B3GALT1: variants seen among roughly 807,000 people sequenced by gnomAD.
B3GALT1 encodes the protein beta-1,3-galactosyltransferase 1.
In B3GALT1, 10 loss-of-function variants were observed where a neutral mutation model predicts 23.2. The ratio of observed to expected loss-of-function variants is 0.43; its 90% confidence interval spans 0.27 to 0.73. The LOEUF is 0.73. Among genes scored for constraint, B3GALT1 ranks in the 30% least tolerant of loss-of-function variants. The pLI is 0.21. For missense variants in B3GALT1, 299 were observed against 405.4 expected (o/e 0.74, Z 2.25); for synonymous variants, 156 against 141.5 (o/e 1.10, Z -0.73).
intron 3 of B3GALT1, among the ~76,000 whole-genome samples, chr2:167,742,508 G>A (rs1687590644): frequency 6.6e-6 from 1 of 152,158 alleles, no homozygotes; most frequent in Admixed American, 6.5e-5. Flanking sequence ...AGTAAAGACA[G>A]TAAAAAAGCA....
intron 3 of B3GALT1, among the ~76,000 whole-genome samples, chr2:167,770,854 C>T (rs1688060504): frequency 6.6e-6 from 1 of 152,068 alleles, no homozygotes; most frequent in East Asian, 1.9e-4. Context: ...TTTAAATGCC[C>T]AATTAGATTT....
At chr2:167,646,813 G>A (rs1410153061) in intron 2 of B3GALT1, among the ~76,000 whole-genome samples, 96 bp from the exon 3 acceptor site, 1 of 152,122 alleles carries the variant, frequency 6.6e-6, no homozygotes, top group African/African-American at 2.4e-5. Context: ...TTTTGAAAGT[G>A]GGTGTCTATT....
intron 4 of B3GALT1, among the ~76,000 whole-genome samples, chr2:167,835,766 G>A (rs1222826954): frequency 1.3e-5 from 2 of 151,556 alleles, no homozygotes; most frequent in Non-Finnish European, 1.5e-5. Context: ...AGCCTAACTG[G>A]GAGGCACCCC....
chr2:167,533,624 C>T (rs1012725816), intron 2 of B3GALT1, among the ~76,000 whole-genome samples: 3 of 152,128 alleles, frequency 2.0e-5, no homozygotes, highest in African/African-American at 7.2e-5. Flanking sequence ...TATGACTGCT[C>T]TATCATTATA....
chr2:167,295,771 G>A (rs1438354948), intron 1 of B3GALT1, among the ~76,000 whole-genome samples: 2 of 74,960 alleles, frequency 2.7e-5, no homozygotes, highest in East Asian at 8.6e-4. Context: ...GTGTGTACGT[G>A]TGTGTGTGTG....
chr2:167,312,283 GAAATTGAAT>G (rs1696643434), intron 1 of B3GALT1, among the ~76,000 whole-genome samples: 1 of 151,930 alleles, frequency 6.6e-6, no homozygotes, highest in South Asian at 2.1e-4. Context: ...AAATAATACT[GAAATTGAAT>G]AAATTGAATG....
At chr2:167,729,801 G>C (rs544340671) in intron 3 of B3GALT1, among the ~76,000 whole-genome samples, 1 of 152,184 alleles carries the variant, frequency 6.6e-6, no homozygotes, top group Admixed American at 6.5e-5. Flanking sequence ...AAAGTCATGT[G>C]AAGAAGTGAA....
chr2:167,381,633 A>G (rs991047116), intron 1 of B3GALT1, among the ~76,000 whole-genome samples: 1 of 152,204 alleles, frequency 6.6e-6, no homozygotes, highest in African/African-American at 2.4e-5. Context: ...ATTATACTTC[A>G]GACTCTAGGT....
chr2:167,558,923 A>T (rs1375047658), intron 2 of B3GALT1, among the ~76,000 whole-genome samples: 8 of 152,214 alleles, frequency 5.3e-5, no homozygotes, highest in Non-Finnish European at 1.2e-4. Context: ...TGCAGACTTA[A>T]ATGTCCCTGT....
At chr2:167,690,791 T>A (rs1240104517) in intron 3 of B3GALT1, among the ~76,000 whole-genome samples, 1 of 152,166 alleles carries the variant, frequency 6.6e-6, no homozygotes, top group Non-Finnish European at 1.5e-5. Context: ...GTCTTTGATC[T>A]GAAGTAAGAA....
In B3GALT1 at chr2:167,424,511, T is replaced by C. The variant is rs148869838; in HGVS notation, c.-510-65666T>C. On this transcript the variant is annotated intron_variant, in intron 1 of 4. Coordinates refer to ENST00000392690, the MANE Select transcript of B3GALT1 (RefSeq NM_020981.4). ...ATGTAATCCAAGGAAGAGCTTTTTT[T>C]TCCCACCTTGAAACTTTCAGAAGTG... Among the ~76,000 whole-genome samples the C allele has an allele frequency of 1.6e-3, 244 of 152,292 alleles. 1 individual carries two copies. Among genetic ancestry groups the C allele is most frequent in the African/African-American group, 5.7e-3 (239 of 41,568 alleles).
chr2:167,338,393 T>C (rs1697093591), intron 1 of B3GALT1, among the ~76,000 whole-genome samples: 1 of 152,030 alleles, frequency 6.6e-6, no homozygotes, highest in Non-Finnish European at 1.5e-5. Context: ...ATACTAAAAG[T>C]ATATACAAAG....
chr2:167,499,692 C>A (rs1031849401), intron 2 of B3GALT1, among the ~76,000 whole-genome samples: 1 of 151,986 alleles, frequency 6.6e-6, no homozygotes, highest in African/African-American at 2.4e-5. Flanking sequence ...TTCCACCGTC[C>A]CCACCAAATC....
rs751705383 is a variant in B3GALT1 at position 167,869,089 on chromosome 2, C to A, written c.50C>A (p.Ala17Asp). The A allele has an allele frequency of 6.2e-7, 1 of 1,613,934 alleles. No individual in the cohort carries two copies. Among genetic ancestry groups the A allele is most frequent in the Non-Finnish European group, 8.5e-7 (1 of 1,179,924 alleles). ...TATGTTTTGACAGTTGTGTGCTGGG[C>A]CAGCGCTCTCTGGTACTTGAGTATA... ...CLYVLTVVCW[A>D]SALWYLSITR... Residue 17 changes from alanine (A) to aspartate (D), a missense_variant, in exon 5 of 5, where the codon GCC becomes GAC. Physicochemically the swap from Ala to Asp is moderately radical, Grantham distance 126. Transcript: ENST00000392690. The surrounding 1 kb of genome is among the most constrained non-coding windows in gnomAD (Gnocchi z 6.4).
chr2:167,619,643 ATC>A (rs1215302414), intron 2 of B3GALT1, among the ~76,000 whole-genome samples: 2 of 152,164 alleles, frequency 1.3e-5, no homozygotes, highest in Admixed American at 6.6e-5. Context: ...ATAAACTAGC[ATC>A]TCTCAGATCT....
chr2:167,316,882 G>C (rs1040947077), intron 1 of B3GALT1, among the ~76,000 whole-genome samples: 1 of 152,066 alleles, frequency 6.6e-6, no homozygotes, highest in Non-Finnish European at 1.5e-5. Flanking sequence ...TTCAATCTAA[G>C]ATACACACCT....
At chr2:167,845,814 C>T (rs1689746582) in intron 4 of B3GALT1, among the ~76,000 whole-genome samples, 1 of 151,484 alleles carries the variant, frequency 6.6e-6, no homozygotes, top group South Asian at 2.1e-4. Context: ...ACTAGGGAGG[C>T]ACCAGAGAAA....
intron 1 of B3GALT1, among the ~76,000 whole-genome samples, chr2:167,433,202 G>GAA (rs1698730539): frequency 6.6e-6 from 1 of 152,004 alleles, no homozygotes; most frequent in Non-Finnish European, 1.5e-5. Context: ...AGCCCTTTTA[G>GAA]GTTGGCTTTT....
intron 2 of B3GALT1, among the ~76,000 whole-genome samples, chr2:167,550,646 C>A (rs1437110250): frequency 6.6e-6 from 1 of 152,186 alleles, no homozygotes; most frequent in Non-Finnish European, 1.5e-5. Context: ...TGTCTGACTT[C>A]TCACTAGAGC....
Sources: gnomAD v4.1 joint callset for allele counts (sites outside exome capture counted in the v4.1 genomes callset) on GRCh38, gnomAD v4.1.1 for gene constraint, Gnocchi (gnomAD v3.1) non-coding constraint, MANE v1.5 for transcripts, NCBI Gene and HGNC (gene_info 2026-07-23, HGNC 2026-07-21) for gene names.